The following OPCML variants were observed in gnomAD, a reference collection of about 807,000 sequenced individuals.
OPCML encodes the protein opioid binding protein/cell adhesion molecule like.
Under a neutral mutation model 37.8 loss-of-function variants are expected in OPCML, and 13 were observed. The ratio of observed to expected loss-of-function variants is 0.34; its 90% CI spans 0.22 to 0.55. The LOEUF (loss-of-function observed/expected upper bound fraction) is 0.55. Ranked by LOEUF, OPCML falls within the 20% of genes least tolerant of loss-of-function variation. OPCML has a pLI of 0.91. For synonymous variants in OPCML, 176 were observed against 168.8 expected (o/e 1.04, Z -0.33); for missense variants, 341 against 435.6 (o/e 0.78, Z 1.93).
At chr11:133,503,756 C>T (rs941161258) in intron 1 of OPCML, among the ~76,000 whole-genome samples, 2 of 152,170 alleles carry the variant, frequency 1.3e-5, no homozygotes, top group Non-Finnish European at 2.9e-5. Flanking sequence ...CCTTTCGCCA[C>T]TCTGACTTCT....
At chr11:132,908,390 T>G (rs1282794637) in intron 2 of OPCML, among the ~76,000 whole-genome samples, 11 of 152,218 alleles carry the variant, frequency 7.2e-5, no homozygotes, top group Admixed American at 7.2e-4. Flanking sequence ...AATTAGCTGT[T>G]TAACTCTGAG....
intron 2 of OPCML, among the ~76,000 whole-genome samples, chr11:132,872,301 T>C (rs763253535): frequency 5.9e-5 from 9 of 152,218 alleles, no homozygotes; most frequent in Non-Finnish European, 1.3e-4. Context: ...TTCTTTTCCA[T>C]TAAATCTGCC....
At chr11:133,488,833 C>T (rs775666867) in intron 1 of OPCML, among the ~76,000 whole-genome samples, 2 of 151,966 alleles carry the variant, frequency 1.3e-5, no homozygotes, top group Non-Finnish European at 2.9e-5. Context: ...TACTTCAAGG[C>T]TATGGTAACC....
chr11:133,073,983 C>T (rs890126197), intron 1 of OPCML, among the ~76,000 whole-genome samples: 4 of 152,306 alleles, frequency 2.6e-5, no homozygotes, highest in Non-Finnish European at 4.4e-5. Flanking sequence ...TATTCCAGAA[C>T]GTATATTCTT....
At chr11:133,255,110 G>T (rs190643860) in intron 1 of OPCML, among the ~76,000 whole-genome samples, 2 of 152,206 alleles carry the variant, frequency 1.3e-5, no homozygotes, top group South Asian at 4.1e-4. Flanking sequence ...TGTGCCATCC[G>T]TACACTAACA....
chr11:132,506,190 G>A (rs1419457027), intron 4 of OPCML, among the ~76,000 whole-genome samples: 2 of 152,126 alleles, frequency 1.3e-5, no homozygotes. Flanking sequence ...AATTGCATTT[G>A]ACAGCAACAA....
At chr11:133,243,352 G>A (rs887895492) in intron 1 of OPCML, among the ~76,000 whole-genome samples, 2 of 152,294 alleles carry the variant, frequency 1.3e-5, no homozygotes, top group African/African-American at 4.8e-5. Flanking sequence ...AACAGTGAGT[G>A]GAGTGAGCTG....
chr11:132,894,989 C>T (rs1234935548), intron 2 of OPCML, among the ~76,000 whole-genome samples: 1 of 152,166 alleles, frequency 6.6e-6, no homozygotes. Context: ...CTATAAATAG[C>T]TTGTTGGTTC....
intron 1 of OPCML, among the ~76,000 whole-genome samples, chr11:133,277,692 T>C (rs1375435103): frequency 6.6e-6 from 1 of 152,130 alleles, no homozygotes; most frequent in African/African-American, 2.4e-5. Flanking sequence ...TATATATACA[T>C]ATACATATAT....
intron 1 of OPCML, among the ~76,000 whole-genome samples, chr11:133,329,608 A>G (rs1216848330): frequency 1.3e-5 from 2 of 152,360 alleles, no homozygotes; most frequent in East Asian, 1.9e-4. Flanking sequence ...TATTTAATAA[A>G]TGGTTCTGAG....
intron 4 of OPCML, among the ~76,000 whole-genome samples, chr11:132,498,142 T>C (rs993488822): frequency 3.9e-5 from 6 of 152,204 alleles, no homozygotes; most frequent in African/African-American, 1.4e-4. Context: ...AGAAAAACAC[T>C]CTATTTCAAT....
At chr11:132,993,379 G>A (rs2136823895) in intron 1 of OPCML, among the ~76,000 whole-genome samples, 1 of 152,266 alleles carries the variant, frequency 6.6e-6, no homozygotes, top group Non-Finnish European at 1.5e-5. Context: ...AAAGCACCCT[G>A]CATCCTGTGT....
intron 1 of OPCML, among the ~76,000 whole-genome samples, chr11:133,081,925 C>CT (rs1340152358): frequency 6.6e-6 from 1 of 151,960 alleles, no homozygotes; most frequent in Non-Finnish European, 1.5e-5. Context: ...TTCCAGGCAT[C>CT]TGTCCCTTGC....
chr11:132,805,543 G>A (rs775358488), intron 2 of OPCML, among the ~76,000 whole-genome samples: 13 of 152,092 alleles, frequency 8.5e-5, no homozygotes, highest in Non-Finnish European at 1.8e-4. Flanking sequence ...AGAGCACATT[G>A]AATAGAGACA....
chr11:132,425,167 A>G (rs1386693648), intron 7 of OPCML, among the ~76,000 whole-genome samples: 2 of 152,270 alleles, frequency 1.3e-5, no homozygotes, highest in African/African-American at 4.8e-5. Flanking sequence ...GCTTTCACAA[A>G]GAAAGACAGA....
At chr11:133,301,687 C>G (rs957024628) in intron 1 of OPCML, 5 of 152,000 alleles carry the variant, frequency 3.3e-5, no homozygotes, top group African/African-American at 4.8e-5. Context: ...CTTTGACATG[C>G]GCTTAGGTAG....
chr11:133,038,835 A>AAG (rs915588455), intron 1 of OPCML, among the ~76,000 whole-genome samples: 1 of 151,582 alleles, frequency 6.6e-6, no homozygotes, highest in African/African-American at 2.4e-5. Context: ...CCAAAAAAAA[A>AAG]AAAACCCTGC....
chr11:132,844,150 A>G (rs1941418958), intron 2 of OPCML, among the ~76,000 whole-genome samples: 2 of 152,200 alleles, frequency 1.3e-5, no homozygotes, highest in South Asian at 2.1e-4. Flanking sequence ...GCCTTCTGCC[A>G]TGATTGTGAG....
At chr11:132,470,944 A>G (rs947605091) in intron 4 of OPCML, among the ~76,000 whole-genome samples, 3 of 152,218 alleles carry the variant, frequency 2.0e-5, no homozygotes, top group Non-Finnish European at 4.4e-5. Context: ...GCCAACACTT[A>G]GGAATTAAGA....
Sources: gnomAD v4.1 joint callset for allele counts (sites outside exome capture counted in the v4.1 genomes callset) on GRCh38, gnomAD v4.1.1 for gene constraint, MANE v1.5 for transcripts, NCBI Gene and HGNC (gene_info 2026-07-23, HGNC 2026-07-21) for gene names.